The following OCIAD1 variants were observed in gnomAD, a reference collection of about 807,000 sequenced individuals.
OCIAD1 encodes OCIA domain containing 1.
A neutral mutation model predicts 38.9 loss-of-function variants in OCIAD1; 29 were observed. That is an observed-to-expected ratio of 0.74 (90% CI 0.55 to 1.02). The LOEUF is 1.02. OCIAD1 is among the 50% of genes least tolerant of loss of function. OCIAD1 has a pLI of 0.00. For synonymous variants in OCIAD1, 110 were observed against 92.0 expected (o/e 1.20, Z -1.12); for missense variants, 288 against 289.6 (o/e 0.99, Z 0.04).
chr4:48,833,791 T>C (rs1777742137), intron 3 of OCIAD1, among the ~76,000 whole-genome samples: 1 of 152,202 alleles, frequency 6.6e-6, no homozygotes, highest in Admixed American at 6.5e-5. Context: ...ACCCTCACTT[T>C]ACAGGTGAAG....
intron 8 of OCIAD1, among the ~76,000 whole-genome samples, chr4:48,857,909 T>C (rs887594787): frequency 5.3e-5 from 8 of 152,116 alleles, no homozygotes; most frequent in African/African-American, 1.4e-4. Flanking sequence ...ATCCCAGCAC[T>C]TTGGGAGACC....
rs371419299 is a variant in OCIAD1, at chr4:48,833,457, A to C, written c.115A>C (p.Asn39His). The C allele has an allele frequency of 1.9e-6, 3 of 1,605,096 alleles. No individual in the cohort carries two copies. In the African/African-American group the frequency reaches 4.0e-5, roughly 21 times the overall value. ...EEERRVFAEC[N>H]DESFWFRSVP... is the part of the protein sequence containing the mutation. ...AGAAAGGAGAGTCTTCGCAGAATGC[A>C]ATGATGAAAGCTTCTGGTTCAGATG... The change falls in exon 3 of 9, where the codon AAT becomes CAT. Residue 39 changes from asparagine to histidine, a missense_variant. Transcript: ENST00000264312.
intron 5 of OCIAD1, 68 bp downstream of exon 5, chr4:48,848,514 G>A (rs1363229300): frequency 1.8e-5 from 13 of 738,798 alleles, no homozygotes; most frequent in Non-Finnish European, 2.0e-5. Flanking sequence ...TTTATCAAAT[G>A]TTTTATCATG....
chr4:48,816,288 G>C (rs945642976), intron 1 of OCIAD1, among the ~76,000 whole-genome samples: 8 of 152,182 alleles, frequency 5.3e-5, no homozygotes, highest in Middle Eastern at 6.3e-3. Context: ...AACTGGAGGC[G>C]ATCAGGACAT....
chr4:48,857,101 CTTTA>C (rs1297785241), intron 7 of OCIAD1, 108 bp from the exon 8 acceptor site: 1 of 518,862 alleles, frequency 1.9e-6, no homozygotes, highest in South Asian at 6.6e-5. Flanking sequence ...TAATTTGATT[CTTTA>C]TTCTATTTTG....
chr4:48,854,455 C>G (rs1054943396), intron 7 of OCIAD1, among the ~76,000 whole-genome samples: 19 of 152,170 alleles, frequency 1.2e-4, no homozygotes, highest in Non-Finnish European at 2.4e-4. Flanking sequence ...CCCTGGAAAG[C>G]GAAACCACAG....
At chr4:48,860,177 T>A (rs1309875941) in intron 8 of OCIAD1, 2 of 152,486 alleles carry the variant, frequency 1.3e-5, no homozygotes, top group Non-Finnish European at 2.9e-5. Flanking sequence ...TAGTAGTATT[T>A]TCTTCTTATA....
At chr4:48,851,117 T>C (rs780312287) in intron 6 of OCIAD1, among the ~76,000 whole-genome samples, 5 of 152,228 alleles carry the variant, frequency 3.3e-5, no homozygotes, top group Non-Finnish European at 7.3e-5. Flanking sequence ...TTTAGCAAAT[T>C]AGTGTTTATA....
At chr4:48,816,144 AT>A (rs1359965715) in intron 1 of OCIAD1, among the ~76,000 whole-genome samples, 1 of 152,130 alleles carries the variant, frequency 6.6e-6, no homozygotes, top group African/African-American at 2.4e-5. Context: ...CCCTTCTCCC[AT>A]TTATGTCGAC....
At chr4:48,808,141 CA>C (rs976872720) in intron 1 of OCIAD1, among the ~76,000 whole-genome samples, 4 of 152,120 alleles carry the variant, frequency 2.6e-5, no homozygotes, top group African/African-American at 9.7e-5. Context: ...ATACTCTCTC[CA>C]AAACCCAGAT....
chr4:48,824,581 C>T (rs1023537851), intron 1 of OCIAD1, among the ~76,000 whole-genome samples: 1 of 151,402 alleles, frequency 6.6e-6, no homozygotes, highest in Non-Finnish European at 1.5e-5. Context: ...GAGATAGGGT[C>T]TTTTTATGTT....
At chr4:48,806,326 C>T (rs1178222154) in intron 1 of OCIAD1, among the ~76,000 whole-genome samples, 3 of 152,098 alleles carry the variant, frequency 2.0e-5, no homozygotes, top group Non-Finnish European at 4.4e-5. Context: ...TAGTTTTTTG[C>T]TTTGATTAAA....
intron 6 of OCIAD1, among the ~76,000 whole-genome samples, chr4:48,851,121 G>A (rs755203727): frequency 1.3e-5 from 2 of 152,180 alleles, no homozygotes; most frequent in Non-Finnish European, 2.9e-5. Flanking sequence ...GCAAATTAGT[G>A]TTTATATAGA....
chr4:48,845,982 A>G (rs1422978587), intron 4 of OCIAD1, among the ~76,000 whole-genome samples: 5 of 152,248 alleles, frequency 3.3e-5, no homozygotes, highest in Non-Finnish European at 7.3e-5. Context: ...CACCTGACAG[A>G]GGACATACAT....
rs1473914570 is a variant in OCIAD1, at chr4:48,831,481, C to T, written c.-6+232C>T. 7 of 1,290,136 alleles carry T rather than the reference C, an allele frequency of 5.4e-6. No individual in the cohort carries two copies. In the Admixed American group the frequency reaches 9.2e-5, roughly 17 times the overall value. The allele number at this position is 1,290,136 out of a possible 1,614,324, so 79.9% of individuals were successfully genotyped here. ...CACGGATGCGTGTGGGGTTGCTGCT[C>T]AGTCTGTAACGGCAGGTGGGAGACG... On this transcript the variant is annotated intron_variant, in intron 1 of 8. Coordinates refer to ENST00000264312, the MANE Select transcript of OCIAD1 (RefSeq NM_017830.4).
intron 1 of OCIAD1, among the ~76,000 whole-genome samples, chr4:48,825,097 C>A (rs1777235861): frequency 6.6e-6 from 1 of 152,196 alleles, no homozygotes; most frequent in African/African-American, 2.4e-5. Context: ...ATTATGAGAG[C>A]AGATCCCCTG....
intron 3 of OCIAD1, among the ~76,000 whole-genome samples, chr4:48,840,849 A>G (rs540274584): frequency 2.0e-5 from 3 of 151,596 alleles, no homozygotes; most frequent in African/African-American, 7.2e-5. Context: ...AAAAAAAAAA[A>G]AAGAAAAAAG....
At position 48,819,716 on chromosome 4, in the gene OCIAD1, C is replaced by CAAAAA. The variant is rs576081813; in HGVS notation, c.-102-10837_-102-10833dup. Among the ~76,000 whole-genome samples the CAAAAA allele has an allele frequency of 9.6e-4, 10 of 10,454 alleles. 4 individuals carry two copies. Among genetic ancestry groups the CAAAAA allele is most frequent in the African/African-American group, 2.7e-3 (8 of 2,942 alleles). The allele number at this position is 10,454 out of a possible 152,430, so 6.9% of individuals were successfully genotyped here. On this transcript the variant is annotated intron_variant, in intron 1 of 6. Transcript: ENST00000504654. ...GAGACGGAGGAATATTTACCAAGCG[C>CAAAAA]AAAAAAAAAAAAAAAAAAAAAAAAA...
At chr4:48,834,962 C>A (rs1777854780) in intron 3 of OCIAD1, among the ~76,000 whole-genome samples, 1 of 152,182 alleles carries the variant, frequency 6.6e-6, no homozygotes, top group Non-Finnish European at 1.5e-5. Context: ...GAGACGGAGT[C>A]TCACTCTCTT....
Sources: allele counts gnomAD v4.1 joint callset (sites outside exome capture counted in the v4.1 genomes callset), GRCh38; gene constraint gnomAD v4.1.1; transcripts MANE v1.5; gene names NCBI Gene and HGNC (gene_info 2026-07-23, HGNC 2026-07-21).